The following ANXA10 variants were observed in gnomAD, a reference collection of about 807,000 sequenced individuals.
The protein encoded by ANXA10 is annexin A10, also known as annexin 14.
Under a neutral mutation model 53.5 loss-of-function variants are expected in ANXA10, and 49 were observed. The ratio of observed to expected loss-of-function variants is 0.92; its 90% CI spans 0.73 to 1.16. The LOEUF (loss-of-function observed/expected upper bound fraction) is 1.16. ANXA10 is among the 50% of genes most tolerant of loss of function. The pLI is 0.00. For synonymous variants in ANXA10, 131 were observed against 128.9 expected (o/e 1.02, Z -0.11); for missense variants, 393 against 394.4 (o/e 1.00, Z 0.03).
At chr4:168,134,232 T>C (rs1319710882) in intron 2 of ANXA10, among the ~76,000 whole-genome samples, 1 of 152,126 alleles carries the variant, frequency 6.6e-6, no homozygotes, top group Non-Finnish European at 1.5e-5. Flanking sequence ...CACAAATCTT[T>C]ACTAAGTCTT....
chr4:168,139,807 C>G (rs1731298302), intron 3 of ANXA10, among the ~76,000 whole-genome samples: 2 of 152,098 alleles, frequency 1.3e-5, no homozygotes, highest in South Asian at 4.1e-4. Context: ...GACCAGTGAC[C>G]ACAAGTTCTT....
intron 3 of ANXA10, among the ~76,000 whole-genome samples, chr4:168,156,187 A>ATATTATATC (rs1731664460): frequency 2.8e-5 from 1 of 36,312 alleles, no homozygotes; most frequent in Non-Finnish European, 4.4e-5. Flanking sequence ...TATATATTAT[A>ATATTATATC]TATTATATAT....
At chr4:168,095,573 C>T (rs1210920138) in intron 1 of ANXA10, among the ~76,000 whole-genome samples, 1 of 151,958 alleles carries the variant, frequency 6.6e-6, no homozygotes, top group Non-Finnish European at 1.5e-5. Context: ...ATTTAATCTT[C>T]ACAGCAAATT....
At chr4:168,132,500 G>T (rs1731170811) in intron 2 of ANXA10, among the ~76,000 whole-genome samples, 1 of 152,108 alleles carries the variant, frequency 6.6e-6, no homozygotes, top group South Asian at 2.1e-4. Context: ...GGGCTGCTGG[G>T]GACTCGAGGA....
intron 3 of ANXA10, among the ~76,000 whole-genome samples, chr4:168,146,398 A>C (rs896749830): frequency 2.0e-5 from 3 of 152,252 alleles, no homozygotes; most frequent in African/African-American, 7.2e-5. Context: ...TCTATGAGGT[A>C]ATCAAAGTCT....
chr4:168,169,368 A>C (rs1219260229), intron 6 of ANXA10, among the ~76,000 whole-genome samples: 1 of 152,238 alleles, frequency 6.6e-6, no homozygotes, highest in Non-Finnish European at 1.5e-5. Flanking sequence ...TGAAGCCAAC[A>C]GTTCCATTAT....
At chr4:168,174,399 T>C (rs753229531) in intron 6 of ANXA10, among the ~76,000 whole-genome samples, 2 of 152,124 alleles carry the variant, frequency 1.3e-5, no homozygotes, top group African/African-American at 2.4e-5. Flanking sequence ...AAGCCCCACA[T>C]GGAGCCCGCA....
intron 6 of ANXA10, among the ~76,000 whole-genome samples, chr4:168,170,570 G>A (rs1024069466): frequency 1.3e-5 from 2 of 152,076 alleles, no homozygotes; most frequent in African/African-American, 4.8e-5. Context: ...CACCAAAAGT[G>A]TTACTTCTTA....
intron 2 of ANXA10, among the ~76,000 whole-genome samples, chr4:168,128,605 A>G (rs1185807562): frequency 6.6e-6 from 1 of 152,100 alleles, no homozygotes; most frequent in Non-Finnish European, 1.5e-5. Context: ...AATTGGCCCA[A>G]TCACTTCTCT....
chr4:168,145,241 G>A (rs752036886), intron 3 of ANXA10, among the ~76,000 whole-genome samples: 8 of 152,054 alleles, frequency 5.3e-5, no homozygotes, highest in South Asian at 2.1e-4. Flanking sequence ...ATTGCTTCCC[G>A]GCCTTTTGGA....
chr4:168,093,655 C>A (rs951152863), intron 1 of ANXA10, among the ~76,000 whole-genome samples: 1 of 152,022 alleles, frequency 6.6e-6, no homozygotes, highest in Admixed American at 6.6e-5. Context: ...CCAGCCTGGG[C>A]GACAGAGCGA....
intron 3 of ANXA10, among the ~76,000 whole-genome samples, chr4:168,152,255 G>T (rs577695341): frequency 1.3e-5 from 2 of 152,164 alleles, no homozygotes; most frequent in African/African-American, 4.8e-5. Flanking sequence ...GAAGGCAGAG[G>T]GGGTGGACCC....
chr4:168,099,332 G>T (rs1413949403), intron 1 of ANXA10, among the ~76,000 whole-genome samples: 1 of 152,078 alleles, frequency 6.6e-6, no homozygotes, highest in Non-Finnish European at 1.5e-5. Context: ...TAAGAAAACG[G>T]TCAAAGATGC....
chr4:168,175,907 CT>C (rs1732117951), intron 6 of ANXA10, among the ~76,000 whole-genome samples: 7 of 152,168 alleles, frequency 4.6e-5, no homozygotes, highest in Admixed American at 4.6e-4. Flanking sequence ...ATGCCTCTAG[CT>C]TTTTGTTATC....
At position 168,155,796 on chromosome 4, in the gene ANXA10, TATATA is replaced by T. The variant is rs1384000211; in HGVS notation, c.196-6726_196-6722del. 5.6e-4 allele frequency among the ~76,000 whole-genome samples: 24 copies of T among 43,050 alleles called. 1 individual carries two copies. The highest frequency in any genetic ancestry group is 6.2e-4 in the Non-Finnish European group (16 of 25,830). The allele number at this position is 43,050 out of a possible 152,430, so 28.2% of individuals were successfully genotyped here. ...ATCATATATTATATATTATATATAA[TATATA>T]ATATATGATATATTATATATGATAT... On this transcript the variant is annotated intron_variant, in intron 3 of 11. Transcript: ENST00000359299.
At chr4:168,142,557 A>G (rs1731343874) in intron 3 of ANXA10, among the ~76,000 whole-genome samples, 1 of 152,054 alleles carries the variant, frequency 6.6e-6, no homozygotes, top group African/African-American at 2.4e-5. Context: ...CCTTTTTGTA[A>G]TTTCCTCACA....
chr4:168,105,088 T>G (rs951593791), intron 1 of ANXA10, among the ~76,000 whole-genome samples: 10 of 151,872 alleles, frequency 6.6e-5, no homozygotes, highest in African/African-American at 1.7e-4. Context: ...TGAAAGCTTT[T>G]GGGATCTGTA....
rs755757504 is a variant in ANXA10 at position 168,177,759 on chromosome 4, A to T, written c.500A>T (p.Tyr167Phe). The T allele has an allele frequency of 5.0e-6, 8 of 1,614,062 alleles. No individual in the cohort carries two copies. The highest frequency in any genetic ancestry group is 6.8e-6 in the Non-Finnish European group (8 of 1,180,016). ...NLVQGTREEG[Y>F]TDPAMAAQDA... Reference sequence around the variant, plus strand: ...TTACAGGGGACCAGAGAGGAAGGATATACAGACCCTGCGATGGCTGCTCAG... The same window carrying T: ...TTACAGGGGACCAGAGAGGAAGGATTTACAGACCCTGCGATGGCTGCTCAG... Residue 167 changes from tyrosine (Y) to phenylalanine (F), a missense_variant, in exon 7 of 12, where the codon TAT (tyrosine) becomes TTT (phenylalanine). Tyr to Phe is a conservative substitution (Grantham distance 22). Transcript: ENST00000359299.
intron 6 of ANXA10, among the ~76,000 whole-genome samples, chr4:168,175,827 T>C (rs1306120776): frequency 6.6e-6 from 1 of 152,198 alleles, no homozygotes; most frequent in East Asian, 1.9e-4. Flanking sequence ...CATTAAATGT[T>C]CCAGGGCTAC....
Sources: gnomAD v4.1 joint callset for allele counts (sites outside exome capture counted in the v4.1 genomes callset) on GRCh38, gnomAD v4.1.1 for gene constraint, MANE v1.5 for transcripts, NCBI Gene and HGNC (gene_info 2026-07-23, HGNC 2026-07-21) for gene names.